LARS1: variants seen among roughly 807,000 people sequenced by gnomAD.
LARS1 encodes the protein leucyl-tRNA synthetase 1, also known as leucine--tRNA ligase, cytoplasmic.
LARS1 carries 100 observed loss-of-function variants against 162.8 expected under a neutral mutation model. The observed-to-expected ratio is 0.61, with a 90% CI of 0.52 to 0.73. LARS1 has a LOEUF of 0.73. Ranked by LOEUF, LARS1 falls within the 30% of genes least tolerant of loss-of-function variation. The pLI, the probability that LARS1 is intolerant of heterozygous loss-of-function variation, is 0.00. For synonymous variants in LARS1, 457 were observed against 462.8 expected, an observed-to-expected ratio of 0.99 and a Z score of 0.16; for missense variants, 1,258 against 1,408.9, an observed-to-expected ratio of 0.89 and a Z score of 1.71.
intron 7 of LARS1, among the ~76,000 whole-genome samples, chr5:146,159,945 A>G (rs1241172674): frequency 6.6e-6 from 1 of 152,150 alleles, no homozygotes; most frequent in African/African-American, 2.4e-5. Context: ...AATCTTTAGT[A>G]AGATAATAAA....
chr5:146,156,383 C>G (rs1386718916), intron 10 of LARS1, among the ~76,000 whole-genome samples: 1 of 152,112 alleles, frequency 6.6e-6, no homozygotes, highest in Admixed American at 6.6e-5. Flanking sequence ...ATTAAACACA[C>G]TCAGAAATAT....
chr5:146,155,733 T>A (rs1753495750), intron 10 of LARS1, among the ~76,000 whole-genome samples: 1 of 152,222 alleles, frequency 6.6e-6, no homozygotes, highest in Non-Finnish European at 1.5e-5. Context: ...TTGCAATTTA[T>A]AACATCCATG....
chr5:146,143,120 T>C (rs1342111500), intron 19 of LARS1, 36 bp from the exon 20 acceptor site: 11 of 1,098,244 alleles, frequency 1.0e-5, no homozygotes, highest in Non-Finnish European at 1.4e-5. Context: ...TTTATATATA[T>C]ATATATGTAA....
At chr5:146,160,081 A>T (rs1753710499) in intron 7 of LARS1, among the ~76,000 whole-genome samples, 1 of 152,190 alleles carries the variant, frequency 6.6e-6, no homozygotes, top group African/African-American at 2.4e-5. Context: ...CATATTTTAA[A>T]ACCTGAAAGG....
Position 146,113,624 on chromosome 5 carries a change from C to G in LARS1, c.*482G>C, listed in dbSNP as rs1167557396. The G allele has an allele frequency of 6.6e-6, 1 of 152,596 alleles. No homozygotes were observed. Among genetic ancestry groups the G allele is most frequent in the East Asian group, 1.9e-4 (1 of 5,164 alleles). The allele number at this position is 152,596 out of a possible 1,614,324, so 9.5% of individuals were successfully genotyped here. ...GTAATTGAAGTCAAGTCAAAATATT[C>G]TCATTAGTTCTTTTAAATCATCATG... On this transcript the variant is annotated 3_prime_UTR_variant, in exon 32 of 32. Coordinates refer to ENST00000394434, the MANE Select transcript of LARS1 (RefSeq NM_020117.11).
chr5:146,142,368 G>A (rs919248060), intron 20 of LARS1, among the ~76,000 whole-genome samples: 8 of 152,132 alleles, frequency 5.3e-5, no homozygotes, highest in Admixed American at 4.6e-4. Flanking sequence ...GAAGGCATAA[G>A]AAATTGTCTT....
At chr5:146,130,956 G>A in intron 24 of LARS1, 63 bp downstream of exon 24, 1 of 904,128 alleles carries the variant, frequency 1.1e-6, no homozygotes, top group Non-Finnish European at 1.7e-6. Context: ...AAGAAAAAAG[G>A]GGGAAAATAC....
At chr5:146,178,221 C>G (rs1754684584) in intron 1 of LARS1, among the ~76,000 whole-genome samples, 1 of 152,144 alleles carries the variant, frequency 6.6e-6, no homozygotes, top group Admixed American at 6.6e-5. Flanking sequence ...CAATGTAACA[C>G]TGTCATCAAA....
chr5:146,153,755 G>A lies in LARS1; in HGVS notation c.1209C>T (p.Leu403=). 6.2e-7 allele frequency: 1 copy of A among 1,613,944 alleles called. No individual in the cohort carries two copies. Among genetic ancestry groups the A allele is most frequent in the Non-Finnish European group, 8.5e-7 (1 of 1,179,870 alleles). ...TTACTTGCTTTTTCTTCAAGTCTCT[G>A]AGGGCAGCAATATCATCAGGGGAGT... ...PSDSPDDIAA[L]RDLKKKQALR... is the part of the protein sequence containing the mutation. The change falls in exon 12 of 32, where the codon CTC becomes CTT. Residue 403 remains leucine (L), a synonymous_variant. Transcript: ENST00000394434.
At chr5:146,138,697 C>T (rs1401487071) in intron 21 of LARS1, 2 of 147,038 alleles carry the variant, frequency 1.4e-5, no homozygotes, top group East Asian at 4.0e-4. Context: ...TCACTGCATA[C>T]CACCCTGGGC....
chr5:146,172,640 C>A (rs376464259), intron 3 of LARS1, 47 bp downstream of exon 3: 1 of 1,094,820 alleles, frequency 9.1e-7, no homozygotes, highest in Non-Finnish European at 1.3e-6. Context: ...AAACAATATT[C>A]GTTAAAAACC....
intron 15 of LARS1, among the ~76,000 whole-genome samples, chr5:146,147,154 G>C (rs1753047344): frequency 6.6e-6 from 1 of 152,188 alleles, no homozygotes; most frequent in African/African-American, 2.4e-5. Flanking sequence ...GTGAAGCCTA[G>C]TGACAAGTCC....
intron 14 of LARS1, among the ~76,000 whole-genome samples, chr5:146,150,942 GACACACACAC>G (rs3995492): frequency 2.0e-4 from 27 of 134,806 alleles, no homozygotes; most frequent in African/African-American, 3.7e-4. Context: ...CCGTCAGATA[GACACACACAC>G]ACACACACAC....
Position 146,140,261 on chromosome 5 carries a change from A to ACTTC in LARS1, c.2091-4_2091-1dup (p.Ser697ArgfsTer3), listed in dbSNP as rs1386407080. On this transcript the variant is annotated frameshift_variant and splice_region_variant. Transcript: ENST00000394434. LOFTEE classifies it high-confidence loss of function. The stretch of plus-strand genomic sequence containing the variant: ...CTCTCACAGCTGTAGGCCATTTGTC[A>ACTTC]CTTCACAGATAAATGTTTAAAGATA... 6.2e-7 allele frequency: 1 copy of ACTTC among 1,601,148 alleles called. No homozygotes were observed. Among genetic ancestry groups the ACTTC allele is most frequent in the East Asian group, 2.2e-5 (1 of 44,824 alleles).
At chr5:146,151,763 T>C (rs1316866589) in intron 14 of LARS1, 99 bp downstream of exon 14, 1 of 1,092,082 alleles carries the variant, frequency 9.2e-7, no homozygotes, top group Admixed American at 2.1e-5. Flanking sequence ...AATCAATGTA[T>C]AGCTGAAACT....
chr5:146,143,594 C>A (rs1365809826), intron 18 of LARS1, 44 bp from the exon 19 acceptor site: 3 of 1,590,270 alleles, frequency 1.9e-6, no homozygotes, highest in Non-Finnish European at 2.6e-6. Context: ...AGAGACATTT[C>A]ATCTATAGAA....
intron 21 of LARS1, chr5:146,138,930 T>C: frequency 2.9e-6 from 1 of 349,138 alleles, no homozygotes; most frequent in South Asian, 2.6e-5. Context: ...GCATGGTTCA[T>C]GCCAAATTCC....
chr5:146,179,103 G>A (rs1754721880), intron 1 of LARS1, among the ~76,000 whole-genome samples: 1 of 152,120 alleles, frequency 6.6e-6, no homozygotes, highest in Admixed American at 6.6e-5. Flanking sequence ...GCGTTGGCAT[G>A]CGCCTATAAT....
Position 146,160,061 on chromosome 5 carries a change from A to G in LARS1, c.707+313T>C, listed in dbSNP as rs1055699782. On this transcript the variant is annotated intron_variant, in intron 7 of 31. Transcript: ENST00000394434. ...AAAGGAAAACAAAGGATACAAAAGAATAGAAACAACATATTTTAAAACCTG... is the reference window on the plus strand; with the variant it reads ...AAAGGAAAACAAAGGATACAAAAGAGTAGAAACAACATATTTTAAAACCTG... Among the ~76,000 whole-genome samples, 5 of 151,998 alleles carry G rather than the reference A, an allele frequency of 3.3e-5. No homozygotes were observed. The East Asian group carries it at 9.6e-4, about 29-fold the overall frequency.
Sources: allele counts gnomAD v4.1 joint callset (sites outside exome capture counted in the v4.1 genomes callset), GRCh38; gene constraint gnomAD v4.1.1; transcripts MANE v1.5; gene names NCBI Gene and HGNC (gene_info 2026-07-23, HGNC 2026-07-21).